USP28: variants seen among roughly 807,000 people sequenced by gnomAD.
USP28 encodes ubiquitin carboxyl-terminal hydrolase 28.
In USP28, 113 loss-of-function variants were observed where a neutral mutation model predicts 145.0. The observed-to-expected ratio is 0.78, with a 90% confidence interval of 0.67 to 0.91. The LOEUF (loss-of-function observed/expected upper bound fraction) is 0.91, where lower values mean the gene tolerates loss of function less well. Among genes scored for constraint, USP28 ranks in the 40% least tolerant of loss-of-function variants. The pLI is 0.00. For synonymous variants in USP28, 447 were observed against 450.9 expected (o/e 0.99, Z 0.11); for missense variants, 1,201 against 1,289.6 (o/e 0.93, Z 1.05).
At chr11:113,861,239 C>A (rs1293009304) in intron 1 of USP28, among the ~76,000 whole-genome samples, 1 of 151,950 alleles carries the variant, frequency 6.6e-6, no homozygotes, top group Admixed American at 6.6e-5. Context: ...AGTTTTTCTT[C>A]CAGCAACAAT....
At chr11:113,818,469 T>C (rs1591224761) in intron 12 of USP28, among the ~76,000 whole-genome samples, 1 of 152,268 alleles carries the variant, frequency 6.6e-6, no homozygotes, top group Non-Finnish European at 1.5e-5. Context: ...ATTTTACAAC[T>C]TTAATTCTTC....
chr11:113,872,333 A>T (rs1357323403), intron 1 of USP28, among the ~76,000 whole-genome samples: 1 of 152,102 alleles, frequency 6.6e-6, no homozygotes, highest in Non-Finnish European at 1.5e-5. Flanking sequence ...AAAAATACAG[A>T]AACATCAGCC....
chr11:113,813,806 A>C, intron 15 of USP28, 79 bp downstream of exon 15: 1 of 1,160,888 alleles, frequency 8.6e-7, no homozygotes, highest in Non-Finnish European at 1.3e-6. Context: ...ATTGGGTTTA[A>C]AAGAAAACTA....
intron 3 of USP28, among the ~76,000 whole-genome samples, chr11:113,844,907 C>G (rs923773038): frequency 1.3e-5 from 2 of 151,830 alleles, no homozygotes; most frequent in Non-Finnish European, 2.9e-5. Context: ...GAGTTCAAGA[C>G]CAGCCTGGGC....
In USP28 at chr11:113,808,288, T is replaced by A; in HGVS notation, c.2304+10A>T. On this transcript the variant is annotated intron_variant, in intron 18 of 24. Coordinates refer to ENST00000003302, the Ensembl canonical transcript of USP28. ...GCTCTCCTGAACTTGGGCTTCCCAG[T>A]CATTCTCACCTCACTCAGTGCCGCT... 1.2e-6 allele frequency: 2 copies of A among 1,608,238 alleles called. No individual in the cohort carries two copies. Among genetic ancestry groups the A allele is most frequent in the Non-Finnish European group, 8.5e-7 (1 of 1,178,702 alleles).
chr11:113,848,590 T>TA (rs1368372743), intron 3 of USP28, among the ~76,000 whole-genome samples: 1 of 152,212 alleles, frequency 6.6e-6, no homozygotes, highest in East Asian at 1.9e-4. Context: ...CTTAGGAAAG[T>TA]AAGTGTTGAT....
chr11:113,804,334 A>T (rs1939567575), intron 21 of USP28, among the ~76,000 whole-genome samples: 1 of 152,224 alleles, frequency 6.6e-6, no homozygotes, highest in Non-Finnish European at 1.5e-5. Flanking sequence ...TGCAATTGAA[A>T]ACATGTGTAG....
chr11:113,863,856 A>G (rs1420095001), intron 1 of USP28, among the ~76,000 whole-genome samples: 1 of 149,856 alleles, frequency 6.7e-6, no homozygotes, highest in Admixed American at 6.6e-5. Context: ...GAGGCAGGAG[A>G]ATGGCATGAA....
At chr11:113,805,163 T>A in intron 19 of USP28, 117 bp from the exon 21 acceptor site, 1 of 901,248 alleles carries the variant, frequency 1.1e-6, no homozygotes, top group Non-Finnish European at 1.6e-6. Flanking sequence ...AAAAAATTCA[T>A]ATCGAATTAC....
rs1938445214 is a variant in USP28 at position 113,799,048 on chromosome 11, G to C, written c.*192C>G. On this transcript the variant is annotated 3_prime_UTR_variant, in exon 25 of 25. Transcript: ENST00000003302. ...GCTTTCTGCCTTTTCTAGTGAAACA[G>C]CTTTTATGATTTTGTACCTAAAAAG... 6 of 570,714 alleles carry C rather than the reference G, an allele frequency of 1.1e-5. No homozygotes were observed. The South Asian group carries it at 1.5e-4, about 15-fold the overall frequency. 35.4% of individuals were successfully genotyped at this position (570,714 alleles called of 1,614,324 possible).
intron 18 of USP28, chr11:113,808,125 A>T (rs1940332179): frequency 1.3e-6 from 2 of 1,504,106 alleles, no homozygotes; most frequent in Admixed American, 2.2e-5. Flanking sequence ...TCTTGGGTTC[A>T]GCTTCTTTAA....
At chr11:113,838,908 G>A (rs1327874456) in intron 5 of USP28, among the ~76,000 whole-genome samples, 1 of 152,224 alleles carries the variant, frequency 6.6e-6, no homozygotes, top group Non-Finnish European at 1.5e-5. Context: ...GGCTTGAGCA[G>A]CTGGGTAGGT....
chr11:113,815,491 T>C (rs777712757), intron 13 of USP28, 109 bp from the exon 14 acceptor site: 95 of 1,003,990 alleles, frequency 9.5e-5, no homozygotes, highest in Non-Finnish European at 1.3e-4. Context: ...AGGTATTCAG[T>C]GAGCATTAAC....
chr11:113,836,493 T>TGAG (rs1944583524), intron 5 of USP28, among the ~76,000 whole-genome samples: 1 of 152,100 alleles, frequency 6.6e-6, no homozygotes, highest in Non-Finnish European at 1.5e-5. Context: ...ATGGCAAAAA[T>TGAG]GAAGCTCCCG....
chr11:113,850,350 C>G (rs1399037920), intron 3 of USP28, among the ~76,000 whole-genome samples: 2 of 152,088 alleles, frequency 1.3e-5, no homozygotes, highest in Admixed American at 6.5e-5. Flanking sequence ...AAAACAACCC[C>G]AAAGTCAATC....
At chr11:113,828,098 CTGTA>C (rs1943579360) in intron 10 of USP28, among the ~76,000 whole-genome samples, 1 of 152,196 alleles carries the variant, frequency 6.6e-6, no homozygotes, top group Non-Finnish European at 1.5e-5. Context: ...TTCAATTCAC[CTGTA>C]TGTCTGAGGT....
chr11:113,874,334 C>T (rs1949144608), intron 1 of USP28, among the ~76,000 whole-genome samples: 1 of 143,040 alleles, frequency 7.0e-6, no homozygotes, highest in Non-Finnish European at 1.5e-5. Flanking sequence ...ACCTGTAATA[C>T]CAGCTACTCA....
chr11:113,827,961 T>C (rs185497598), intron 10 of USP28, among the ~76,000 whole-genome samples: 120 of 152,254 alleles, frequency 7.9e-4, no homozygotes, highest in African/African-American at 2.8e-3. Flanking sequence ...AGAGGTCTCA[T>C]AAAGAAGCCA....
At chr11:113,803,804 T>C in exon 22 of USP28, 1 of 1,613,530 alleles carries the variant, frequency 6.2e-7, no homozygotes, top group South Asian at 1.1e-5. Flanking sequence ...ATACTTTCCT[T>C]TTTGATAGAG....
Sources: allele counts gnomAD v4.1 joint callset (sites outside exome capture counted in the v4.1 genomes callset), GRCh38; gene constraint gnomAD v4.1.1; transcripts MANE v1.5; gene names NCBI Gene and HGNC (gene_info 2026-07-23, HGNC 2026-07-21).